Variants in KCNQ5 observed in about 807,000 individuals in gnomAD.
The protein encoded by KCNQ5 is potassium voltage-gated channel subfamily Q member 5.
KCNQ5 carries 30 observed loss-of-function variants against 98.2 expected under a neutral mutation model. That is an observed-to-expected ratio of 0.31 (90% CI 0.23 to 0.41). The LOEUF is 0.41. Ranked by LOEUF, KCNQ5 falls within the 10% of genes least tolerant of loss-of-function variation. The probability of loss-of-function intolerance (pLI) is 1.00; values close to 1 mark genes in which losing one functional copy is unlikely to be tolerated. For missense variants in KCNQ5, 835 were observed against 1,182.5 expected (o/e 0.71, Z 4.31); for synonymous variants, 458 against 449.4 (o/e 1.02, Z -0.24).
chr6:72,746,105 G>T (rs1044582175), intron 1 of KCNQ5, among the ~76,000 whole-genome samples: 1 of 107,628 alleles, frequency 9.3e-6, no homozygotes, highest in Non-Finnish European at 1.8e-5. Flanking sequence ...AAAAAAAAAA[G>T]GGTCACATTC....
intron 1 of KCNQ5, among the ~76,000 whole-genome samples, chr6:72,842,285 T>C (rs1036649407): frequency 6.6e-6 from 1 of 152,218 alleles, no homozygotes; most frequent in Non-Finnish European, 1.5e-5. Flanking sequence ...CTTTGGCCCC[T>C]GTCTTTTTAC....
At chr6:72,997,514 G>T (rs906269514) in intron 1 of KCNQ5, among the ~76,000 whole-genome samples, 1 of 151,844 alleles carries the variant, frequency 6.6e-6, no homozygotes, top group African/African-American at 2.4e-5. Context: ...AGTAGCTCAT[G>T]CCTGTAATCC....
At chr6:72,859,642 G>A (rs1582424889) in intron 1 of KCNQ5, among the ~76,000 whole-genome samples, 1 of 151,854 alleles carries the variant, frequency 6.6e-6, no homozygotes. Flanking sequence ...GTGCAGTGGA[G>A]CAATCACAGC....
chr6:72,998,287 A>C (rs1769395813), intron 1 of KCNQ5, among the ~76,000 whole-genome samples: 1 of 152,222 alleles, frequency 6.6e-6, no homozygotes, highest in Non-Finnish European at 1.5e-5. Flanking sequence ...ACTGAAGATC[A>C]TACTTCATCA....
At chr6:72,712,120 A>G (rs188279728) in intron 1 of KCNQ5, among the ~76,000 whole-genome samples, 5 of 152,340 alleles carry the variant, frequency 3.3e-5, no homozygotes, top group Non-Finnish European at 1.5e-5. Flanking sequence ...GAGGTACTGA[A>G]TACATGTTTG....
chr6:72,936,170 A>G (rs1166367463), intron 1 of KCNQ5, among the ~76,000 whole-genome samples: 2 of 152,222 alleles, frequency 1.3e-5, no homozygotes, highest in Non-Finnish European at 2.9e-5. Context: ...AGTCAACCAG[A>G]GTCTTGATGT....
At chr6:72,806,707 G>A (rs1000014463) in intron 1 of KCNQ5, among the ~76,000 whole-genome samples, 9 of 152,008 alleles carry the variant, frequency 5.9e-5, no homozygotes, top group African/African-American at 2.2e-4. Context: ...TGTGTCTTCT[G>A]CATTTCCCAT....
intron 5 of KCNQ5, among the ~76,000 whole-genome samples, chr6:73,081,529 T>C (rs1005421412): frequency 2.0e-5 from 3 of 152,146 alleles, no homozygotes; most frequent in African/African-American, 7.2e-5. Context: ...CCAGCCTGGG[T>C]GCTTGAGTGA....
intron 1 of KCNQ5, among the ~76,000 whole-genome samples, chr6:72,749,333 A>G (rs939546802): frequency 2.0e-5 from 3 of 152,122 alleles, no homozygotes; most frequent in African/African-American, 7.2e-5. Flanking sequence ...GTTATGAGGT[A>G]TCTTTACTTA....
chr6:73,079,599 G>A (rs574217516), intron 5 of KCNQ5, among the ~76,000 whole-genome samples: 1 of 152,092 alleles, frequency 6.6e-6, no homozygotes, highest in Non-Finnish European at 1.5e-5. Flanking sequence ...CTAAAGATTC[G>A]AATTTTTTTC....
intron 1 of KCNQ5, among the ~76,000 whole-genome samples, chr6:72,766,053 A>T (rs1772552062): frequency 6.6e-6 from 1 of 152,052 alleles, no homozygotes. Context: ...TCAGTAGAGG[A>T]TATAGACAAT....
At chr6:73,004,676 A>G (rs968603840) in intron 2 of KCNQ5, among the ~76,000 whole-genome samples, 1 of 152,212 alleles carries the variant, frequency 6.6e-6, no homozygotes, top group Non-Finnish European at 1.5e-5. Context: ...CAACTAAACT[A>G]TAGCACTGTA....
intron 7 of KCNQ5, among the ~76,000 whole-genome samples, 179 bp downstream of exon 7, chr6:73,111,582 T>C (rs1257857891): frequency 6.6e-6 from 1 of 152,182 alleles, no homozygotes; most frequent in Non-Finnish European, 1.5e-5. Flanking sequence ...GTTCCTCCTC[T>C]CCCAAACTGA....
chr6:73,138,616 A>G (rs1459641539), intron 10 of KCNQ5, among the ~76,000 whole-genome samples: 2 of 152,170 alleles, frequency 1.3e-5, no homozygotes, highest in Admixed American at 6.5e-5. Flanking sequence ...CAAGTCTAAC[A>G]TTGTTTCTGC....
intron 1 of KCNQ5, among the ~76,000 whole-genome samples, chr6:72,931,235 A>G (rs1051833334): frequency 9.2e-5 from 14 of 152,210 alleles, no homozygotes; most frequent in African/African-American, 3.4e-4. Flanking sequence ...TATTGAAACT[A>G]AAGTTTACTT....
chr6:73,043,047 A>T lies in KCNQ5; in HGVS notation c.616+985A>T, dbSNP rs1349002103. On this transcript the variant is annotated intron_variant, in intron 3 of 13. Transcript: ENST00000370398. ...TTAGGCTATCTTCTACAGCTACCACAGGTTTTCTGTTTTGTTTTAGGAGTC... is the reference window on the plus strand; with the variant it reads ...TTAGGCTATCTTCTACAGCTACCACTGGTTTTCTGTTTTGTTTTAGGAGTC... The T allele has an allele frequency of 1.0e-5, 3 of 287,456 alleles. No homozygotes were observed. In the South Asian group the frequency reaches 1.1e-4, roughly 10 times the overall value. The allele number at this position is 287,456 out of a possible 1,614,324, so 17.8% of individuals were successfully genotyped here. A position where few individuals can be genotyped will look rare whatever the true frequency, so the allele number is the denominator to read the frequency against.
intron 1 of KCNQ5, among the ~76,000 whole-genome samples, chr6:72,755,706 C>T (rs1386390983): frequency 1.3e-5 from 2 of 152,144 alleles, no homozygotes; most frequent in Admixed American, 6.5e-5. Context: ...TGTAACTATG[C>T]TTGATTTAGA....
chr6:73,098,975 A>C (rs1774641645), intron 5 of KCNQ5, among the ~76,000 whole-genome samples: 1 of 151,916 alleles, frequency 6.6e-6, no homozygotes, highest in Non-Finnish European at 1.5e-5. Flanking sequence ...GATAAAGTAG[A>C]AACAACAAAA....
chr6:72,698,494 C>T (rs1768620613), intron 1 of KCNQ5, among the ~76,000 whole-genome samples: 1 of 151,824 alleles, frequency 6.6e-6, no homozygotes. Context: ...TGAGCCACCG[C>T]ACCTGGCTTG....
Sources: gnomAD v4.1 joint callset for allele counts (sites outside exome capture counted in the v4.1 genomes callset) on GRCh38, gnomAD v4.1.1 for gene constraint, MANE v1.5 for transcripts, NCBI Gene and HGNC (gene_info 2026-07-23, HGNC 2026-07-21) for gene names.